The following ZPBP variants were observed in gnomAD, a reference collection of about 807,000 sequenced individuals.
The protein encoded by ZPBP is zona pellucida binding protein.
A neutral mutation model predicts 44.8 loss-of-function variants in ZPBP; 26 were observed. The observed-to-expected ratio is 0.58, with a 90% CI of 0.43 to 0.81. The LOEUF (loss-of-function observed/expected upper bound fraction) is 0.81. Ranked by LOEUF, ZPBP falls within the 30% of genes least tolerant of loss-of-function variation. ZPBP has a pLI of 0.00. For missense variants in ZPBP, 409 were observed against 434.0 expected, an observed-to-expected ratio of 0.94 and a Z score of 0.51; for synonymous variants, 174 against 153.2, an observed-to-expected ratio of 1.14 and a Z score of -1.00.
At chr7:49,877,781 T>C (rs1341914045) in intron 2 of ZPBP, among the ~76,000 whole-genome samples, 1 of 151,362 alleles carries the variant, frequency 6.6e-6, no homozygotes, top group Non-Finnish European at 1.5e-5. Context: ...CATATTATTA[T>C]TGTTGTCATT....
At chr7:49,917,491 A>C (rs1379730699) in intron 1 of ZPBP, 1 of 152,158 alleles carries the variant, frequency 6.6e-6, no homozygotes, top group Non-Finnish European at 1.5e-5. Flanking sequence ...TCTTTCCTTT[A>C]AAGTTCAGAA....
intron 3 of ZPBP, among the ~76,000 whole-genome samples, chr7:50,061,265 C>T (rs1204261309): frequency 6.6e-6 from 1 of 152,152 alleles, no homozygotes; most frequent in Non-Finnish European, 1.5e-5. Context: ...GACAAGAATG[C>T]GCACCCTCAC....
At chr7:49,950,157 T>C (rs1249946799) in intron 7 of ZPBP, among the ~76,000 whole-genome samples, 2 of 151,892 alleles carry the variant, frequency 1.3e-5, no homozygotes, top group East Asian at 3.8e-4. Context: ...TGGAAAATTA[T>C]ACAAAAATTT....
At chr7:49,986,283 A>C (rs556205192) in intron 6 of ZPBP, among the ~76,000 whole-genome samples, 3 of 152,268 alleles carry the variant, frequency 2.0e-5, no homozygotes, top group East Asian at 3.9e-4. Context: ...GGTCTAACCC[A>C]GCCTTTTCTA....
chr7:50,067,746 T>G (rs1165253636), intron 3 of ZPBP, among the ~76,000 whole-genome samples: 1 of 152,206 alleles, frequency 6.6e-6, no homozygotes, highest in African/African-American at 2.4e-5. Context: ...TAAAGTCAGT[T>G]TATTAGCTTC....
chr7:49,912,368 C>G, intron 1 of ZPBP: 1 of 575,708 alleles, frequency 1.7e-6, no homozygotes, highest in East Asian at 3.1e-5. Context: ...TATTTCAAAA[C>G]ATCAACAAGA....
intron 5 of ZPBP, among the ~76,000 whole-genome samples, chr7:50,020,940 T>C (rs1331349706): frequency 6.6e-6 from 1 of 151,926 alleles, no homozygotes; most frequent in East Asian, 1.9e-4. Context: ...GTAACAAAAG[T>C]TCAGGTAAAT....
At position 49,959,473 on chromosome 7, in the gene ZPBP, T is replaced by C. The variant is rs139819970; in HGVS notation, c.962-21851A>G. On this transcript the variant is annotated intron_variant, in intron 7 of 7. Transcript: ENST00000046087. ...ATCAAATAACATGCTAACTGGAAAATTAAATCAAATAACCATTAAAATAAC... is the reference window on the plus strand; with the variant it reads ...ATCAAATAACATGCTAACTGGAAAACTAAATCAAATAACCATTAAAATAAC... Among the ~76,000 whole-genome samples, 265 of 151,788 alleles carry C rather than the reference T, an allele frequency of 1.7e-3. 3 individuals are homozygous for C. Among genetic ancestry groups the C allele is most frequent in the African/African-American group, 6.0e-3 (247 of 41,444 alleles).
chr7:50,050,947 A>C (rs1023301838), intron 4 of ZPBP, among the ~76,000 whole-genome samples: 2 of 152,134 alleles, frequency 1.3e-5, no homozygotes. Flanking sequence ...GGATCTAATT[A>C]AACTAAAGAG....
Position 50,029,845 on chromosome 7 carries a change from CTGT to C in ZPBP, c.706+1244_706+1246del, listed in dbSNP as rs140686848. On this transcript the variant is annotated intron_variant, in intron 5 of 7. Coordinates refer to ENST00000046087, the MANE Select transcript of ZPBP (RefSeq NM_007009.3). Reference sequence around the variant, plus strand: ...TTGTTTTTTGTTGTTGTTGTTGTTGCTGTTGTTGTTGTTGTTGTTGTTGTTCTT... The same window carrying C: ...TTGTTTTTTGTTGTTGTTGTTGTTGCTGTTGTTGTTGTTGTTGTTGTTCTT... 1.1e-3 allele frequency among the ~76,000 whole-genome samples: 157 copies of C among 147,336 alleles called. 2 individuals are homozygous for C. The South Asian group carries it at 0.014, about 13-fold the overall frequency.
intron 4 of ZPBP, among the ~76,000 whole-genome samples, chr7:50,033,727 C>G (rs953333059): frequency 7.3e-6 from 1 of 137,350 alleles, no homozygotes; most frequent in Non-Finnish European, 1.6e-5. Context: ...GAGTTTAGCT[C>G]TGTTGCCCAG....
intron 2 of ZPBP, among the ~76,000 whole-genome samples, chr7:49,876,183 T>C (rs76558472): frequency 1.7e-4 from 26 of 152,138 alleles, no homozygotes; most frequent in Admixed American, 1.1e-3. Context: ...TGGTAACCTT[T>C]AAGAGACACA....
rs6949953 is a variant in ZPBP at position 49,927,734 on chromosome 7, G to C, written n.411+8017C>G. 5.4e-3 allele frequency among the ~76,000 whole-genome samples: 826 copies of C among 152,294 alleles called. 9 individuals carry two copies. Among genetic ancestry groups the C allele is most frequent in the African/African-American group, 0.019 (777 of 41,546 alleles). On this transcript the variant is annotated intron_variant and non_coding_transcript_variant, in intron 1 of 2. Transcript: ENST00000465922. ...CCCATTCCACCATTCTATTACCCCA[G>C]ATGCTACAAGGTAATGGAGAACGTG...
intron 2 of ZPBP, among the ~76,000 whole-genome samples, chr7:49,852,537 C>T (rs577077446): frequency 4.6e-5 from 7 of 151,858 alleles, no homozygotes; most frequent in African/African-American, 1.5e-4. Flanking sequence ...GCAGAAGGGC[C>T]GAAGATCATA....
chr7:50,067,699 G>A (rs1249363488), intron 3 of ZPBP, among the ~76,000 whole-genome samples: 2 of 152,176 alleles, frequency 1.3e-5, no homozygotes, highest in Non-Finnish European at 2.9e-5. Context: ...GACTCGATGA[G>A]GAGCAACATA....
chr7:49,981,052 A>G, intron 7 of ZPBP, among the ~76,000 whole-genome samples: 1 of 149,950 alleles, frequency 6.7e-6, no homozygotes, highest in South Asian at 2.1e-4. Context: ...ACAAAGTTAT[A>G]TTAGGAAATA....
chr7:50,092,464 T>C (rs1803041925), intron 1 of ZPBP, among the ~76,000 whole-genome samples: 1 of 152,248 alleles, frequency 6.6e-6, no homozygotes, highest in Non-Finnish European at 1.5e-5. Flanking sequence ...TTATCAATTT[T>C]GGGTCTAGAA....
chr7:50,025,472 T>C (rs990780066), intron 5 of ZPBP, among the ~76,000 whole-genome samples: 2 of 151,614 alleles, frequency 1.3e-5, no homozygotes, highest in African/African-American at 4.8e-5. Flanking sequence ...ATCCCAGAAA[T>C]ATACCCATGT....
chr7:49,940,280 T>A (rs1189664625), intron 7 of ZPBP, among the ~76,000 whole-genome samples: 2 of 151,964 alleles, frequency 1.3e-5, no homozygotes, highest in Non-Finnish European at 2.9e-5. Context: ...AGGAATAAAA[T>A]TCGGAAAAAA....
Sources: gnomAD v4.1 joint callset for allele counts (sites outside exome capture counted in the v4.1 genomes callset) on GRCh38, gnomAD v4.1.1 for gene constraint, MANE v1.5 for transcripts, NCBI Gene and HGNC (gene_info 2026-07-23, HGNC 2026-07-21) for gene names.